UNC13C: variants seen among roughly 807,000 people sequenced by gnomAD.
UNC13C encodes unc-13 homolog C.
Under a neutral mutation model 245.4 loss-of-function variants are expected in UNC13C, and 174 were observed. The observed-to-expected ratio is 0.71, with a 90% CI of 0.63 to 0.80. UNC13C has a LOEUF of 0.80. UNC13C is among the 30% of genes least tolerant of loss of function. The pLI, the probability that UNC13C is intolerant of heterozygous loss-of-function variation, is 0.00. For synonymous variants in UNC13C, 992 were observed against 895.1 expected, an observed-to-expected ratio of 1.11 and a Z score of -1.93; for missense variants, 2,829 against 2,602.9, an observed-to-expected ratio of 1.09 and a Z score of -1.89.
intron 10 of UNC13C, among the ~76,000 whole-genome samples, chr15:54,291,241 T>C (rs1283366100): frequency 6.6e-6 from 1 of 152,022 alleles, no homozygotes; most frequent in East Asian, 1.9e-4. Context: ...GAGACAGCTG[T>C]GCTCTTACTA....
intron 24 of UNC13C, among the ~76,000 whole-genome samples, chr15:54,513,761 C>G (rs1894853867): frequency 6.6e-6 from 1 of 152,028 alleles, no homozygotes; most frequent in South Asian, 2.1e-4. Context: ...AAATGAATGC[C>G]TAGCTTCTAA....
intron 17 of UNC13C, among the ~76,000 whole-genome samples, chr15:54,370,890 T>G (rs1270699541): frequency 6.6e-6 from 1 of 152,090 alleles, no homozygotes; most frequent in Non-Finnish European, 1.5e-5. Flanking sequence ...ACTTAAAAAG[T>G]TTTTAATTGA....
chr15:54,615,243 T>C (rs1900350862), intron 30 of UNC13C, among the ~76,000 whole-genome samples: 1 of 152,164 alleles, frequency 6.6e-6, no homozygotes, highest in East Asian at 1.9e-4. Flanking sequence ...TATTTAAAAA[T>C]GTACCATTCA....
chr15:53,912,676 A>T, the UNC13C span: 1 of 151,780 alleles, frequency 6.6e-6, no homozygotes, highest in Non-Finnish European at 1.5e-5. Flanking sequence ...TAAAGCCAGT[A>T]CTCCATACAC....
intron 4 of UNC13C, among the ~76,000 whole-genome samples, chr15:54,222,326 T>C (rs2035251530): frequency 2.0e-5 from 3 of 151,910 alleles, no homozygotes; most frequent in Admixed American, 2.0e-4. Context: ...TTTTAGCTCC[T>C]ACCAGTAAGT....
chr15:54,317,344 A>G (rs763730078), intron 13 of UNC13C, among the ~76,000 whole-genome samples: 7 of 151,854 alleles, frequency 4.6e-5, no homozygotes, highest in Admixed American at 2.0e-4. Flanking sequence ...AATTATTCAA[A>G]TTTTCACATA....
chr15:54,036,615 G>T (rs1896586867), intron 2 of UNC13C, among the ~76,000 whole-genome samples: 1 of 152,156 alleles, frequency 6.6e-6, no homozygotes, highest in South Asian at 2.1e-4. Context: ...GTAACTTTCT[G>T]CTTTGGCCTG....
intron 19 of UNC13C, among the ~76,000 whole-genome samples, chr15:54,491,011 G>A (rs968286329): frequency 2.6e-5 from 4 of 152,152 alleles, no homozygotes; most frequent in African/African-American, 9.7e-5. Context: ...TTGCCATATT[G>A]TATTGAATTG....
At chr15:54,173,529 CATAAG>C (rs2033495105) in intron 4 of UNC13C, among the ~76,000 whole-genome samples, 1 of 151,912 alleles carries the variant, frequency 6.6e-6, no homozygotes, top group African/African-American at 2.4e-5. Context: ...TTTTGTTTCT[CATAAG>C]GAGAGATTAA....
At chr15:54,496,745 T>C (rs1893966058) in intron 20 of UNC13C, among the ~76,000 whole-genome samples, 1 of 151,258 alleles carries the variant, frequency 6.6e-6, no homozygotes, top group African/African-American at 2.4e-5. Context: ...ATGTTTTCAC[T>C]CATAAGTGGG....
chr15:54,426,022 A>C (rs2040751946), intron 19 of UNC13C, among the ~76,000 whole-genome samples: 1 of 151,312 alleles, frequency 6.6e-6, no homozygotes, highest in African/African-American at 2.4e-5. Context: ...TTTTCTCATG[A>C]CTCTAACAAT....
chr15:54,140,170 T>G (rs2031946512), intron 2 of UNC13C, among the ~76,000 whole-genome samples: 1 of 152,170 alleles, frequency 6.6e-6, no homozygotes, highest in Non-Finnish European at 1.5e-5. Flanking sequence ...CACTTAAAAT[T>G]GGTAAAATTT....
the UNC13C span, among the ~76,000 whole-genome samples, chr15:53,838,350 A>AT: frequency 6.6e-6 from 1 of 152,022 alleles, no homozygotes; most frequent in South Asian, 2.1e-4. Context: ...GAACCAGAAC[A>AT]TTTGCTAGCA....
chr15:53,946,456 T>G, the UNC13C span, among the ~76,000 whole-genome samples: 3 of 150,734 alleles, frequency 2.0e-5, no homozygotes, highest in African/African-American at 4.9e-5. Flanking sequence ...TTTTTGTTTT[T>G]TTTTTTTTTT....
At chr15:54,175,743 G>A (rs971794506) in intron 4 of UNC13C, among the ~76,000 whole-genome samples, 3 of 152,002 alleles carry the variant, frequency 2.0e-5, no homozygotes, top group Non-Finnish European at 2.9e-5. Context: ...GAAACTGGTA[G>A]TAAGTTTAGA....
rs529076917 is a variant in UNC13C, at chr15:54,296,391, T to TTTTTTTTTTTTTTTTTTTTG, written c.3989-1419_3989-1418insTTTTTTTTTTTTTTTTTTGT. Among the ~76,000 whole-genome samples, 19 of 137,900 alleles carry TTTTTTTTTTTTTTTTTTTTG rather than the reference T, an allele frequency of 1.4e-4. 2 individuals are homozygous for TTTTTTTTTTTTTTTTTTTTG. The highest frequency in any genetic ancestry group is 5.3e-4 in the African/African-American group (18 of 34,076). 90.5% of individuals were successfully genotyped at this position (137,900 alleles called of 152,430 possible). ...AATTTTTTTTTTTTTTTATTTTTTT[T>TTTTTTTTTTTTTTTTTTTTG]TATTTTTTAGTGGAGACGGGGTTTC... is the stretch of plus-strand genomic sequence containing the variant. On this transcript the variant is annotated intron_variant, in intron 11 of 32. Coordinates refer to ENST00000260323, the MANE Select transcript of UNC13C (RefSeq NM_001080534.3).
intron 29 of UNC13C, among the ~76,000 whole-genome samples, chr15:54,560,984 C>T (rs1308038205): frequency 6.6e-6 from 1 of 151,924 alleles, no homozygotes; most frequent in Non-Finnish European, 1.5e-5. Context: ...AGCCCAAGAC[C>T]CCACATACTC....
intron 2 of UNC13C, chr15:54,044,565 G>C (rs1042027257): frequency 5.8e-6 from 1 of 173,682 alleles, no homozygotes; most frequent in Non-Finnish European, 1.3e-5. Context: ...GGCGGGGTGG[G>C]GGGTGTGGGG....
At chr15:54,071,741 A>G (rs867531347) in intron 2 of UNC13C, among the ~76,000 whole-genome samples, 1 of 152,212 alleles carries the variant, frequency 6.6e-6, no homozygotes, top group Non-Finnish European at 1.5e-5. Flanking sequence ...ATAAAGCTTA[A>G]TTGAAACAGT....
Sources: gnomAD v4.1 joint callset for allele counts (sites outside exome capture counted in the v4.1 genomes callset) on GRCh38, gnomAD v4.1.1 for gene constraint, MANE v1.5 for transcripts, NCBI Gene and HGNC (gene_info 2026-07-23, HGNC 2026-07-21) for gene names.